The following SPIRE1 variants were observed in gnomAD, a reference collection of about 807,000 sequenced individuals.
SPIRE1 encodes the protein spire type actin nucleation factor 1.
SPIRE1 carries 40 observed loss-of-function variants against 94.1 expected under a neutral mutation model. That is an observed-to-expected ratio of 0.43 (90% CI 0.33 to 0.55). SPIRE1 has a LOEUF of 0.55. SPIRE1 is among the 20% of genes least tolerant of loss of function. SPIRE1 has a pLI of 0.06. For missense variants in SPIRE1, 838 were observed against 975.2 expected (o/e 0.86, Z 1.87); for synonymous variants, 376 against 371.7 (o/e 1.01, Z -0.13).
intron 2 of SPIRE1, among the ~76,000 whole-genome samples, chr18:12,614,987 G>A (rs545779127): frequency 0.01 from 1,542 of 151,636 alleles, 8 homozygotes; most frequent in Middle Eastern, 0.031. Flanking sequence ...TCAGGAGTTC[G>A]AGACCAGGCT....
intron 1 of SPIRE1, among the ~76,000 whole-genome samples, chr18:12,655,902 G>A (rs2038526023): frequency 6.6e-6 from 1 of 152,008 alleles, no homozygotes; most frequent in South Asian, 2.1e-4. Context: ...GCACGATATT[G>A]CTGTATTTTT....
At chr18:12,626,568 C>T (rs1258465688) in intron 2 of SPIRE1, among the ~76,000 whole-genome samples, 5 of 152,006 alleles carry the variant, frequency 3.3e-5, no homozygotes, top group Non-Finnish European at 7.4e-5. Flanking sequence ...AGTTAAGAGG[C>T]ATATAAGGAG....
chr18:12,645,891 C>T (rs888516108), intron 1 of SPIRE1, among the ~76,000 whole-genome samples: 3 of 152,112 alleles, frequency 2.0e-5, no homozygotes, highest in Admixed American at 6.6e-5. Flanking sequence ...CTCCGACTCC[C>T]ACACACATCC....
At chr18:12,593,712 G>A (rs768400151) in intron 2 of SPIRE1, among the ~76,000 whole-genome samples, 4 of 152,212 alleles carry the variant, frequency 2.6e-5, no homozygotes, top group Non-Finnish European at 4.4e-5. Flanking sequence ...CACTTTGGGA[G>A]GCCGAGGCGG....
intron 10 of SPIRE1, among the ~76,000 whole-genome samples, chr18:12,466,823 T>G (rs1735104044): frequency 6.6e-6 from 1 of 152,184 alleles, no homozygotes; most frequent in South Asian, 2.1e-4. Context: ...ACATAGGTAT[T>G]AAGCCCAGCA....
At chr18:12,466,284 T>C (rs895445893) in intron 10 of SPIRE1, among the ~76,000 whole-genome samples, 2 of 152,034 alleles carry the variant, frequency 1.3e-5, no homozygotes, top group Non-Finnish European at 2.9e-5. Flanking sequence ...TATAGATATA[T>C]ATATATTTTT....
intron 2 of SPIRE1, among the ~76,000 whole-genome samples, chr18:12,629,681 A>G (rs2037724262): frequency 6.6e-6 from 1 of 152,202 alleles, no homozygotes; most frequent in African/African-American, 2.4e-5. Context: ...ACAAAACTTG[A>G]TTGTAGGGAT....
At chr18:12,535,634 G>T (rs775862382) in intron 3 of SPIRE1, 33 bp from the exon 4 acceptor site, 73 of 1,592,448 alleles carry the variant, frequency 4.6e-5, no homozygotes, top group Non-Finnish European at 6.0e-5. Context: ...AATGGTGCTT[G>T]GTTACTATTT....
intron 6 of SPIRE1, among the ~76,000 whole-genome samples, chr18:12,502,679 A>G (rs968108015): frequency 6.6e-6 from 1 of 152,210 alleles, no homozygotes; most frequent in African/African-American, 2.4e-5. Context: ...AATTTAAACC[A>G]TGGGGATAAT....
At chr18:12,609,323 C>T (rs1259551104) in intron 2 of SPIRE1, among the ~76,000 whole-genome samples, 1 of 152,156 alleles carries the variant, frequency 6.6e-6, no homozygotes, top group Non-Finnish European at 1.5e-5. Context: ...CAAGGACTAT[C>T]GAGAGCCAAG....
At chr18:12,588,282 T>TA (rs991002841) in intron 2 of SPIRE1, 1 of 152,536 alleles carries the variant, frequency 6.6e-6, no homozygotes, top group Admixed American at 6.6e-5. Context: ...TAGATTAGGT[T>TA]AAAAAAACTG....
intron 1 of SPIRE1, among the ~76,000 whole-genome samples, chr18:12,642,106 C>A (rs1210386253): frequency 6.6e-6 from 1 of 151,996 alleles, no homozygotes; most frequent in Non-Finnish European, 1.5e-5. Flanking sequence ...GGATTTGATA[C>A]AAAAAACAGT....
At chr18:12,473,308 CAA>C (rs71172088) in intron 10 of SPIRE1, among the ~76,000 whole-genome samples, 2 of 144,834 alleles carry the variant, frequency 1.4e-5, no homozygotes, top group Middle Eastern at 3.6e-3. Context: ...TCAGTTCTGG[CAA>C]AAAAAAAAAA....
intron 10 of SPIRE1, among the ~76,000 whole-genome samples, chr18:12,466,717 TTTTAC>T (rs1469256931): frequency 1.3e-5 from 2 of 152,208 alleles, no homozygotes; most frequent in African/African-American, 4.8e-5. Context: ...TTTGTTTTAT[TTTTAC>T]TTTAAGTTCT....
At chr18:12,641,116 T>C (rs759335607) in intron 1 of SPIRE1, among the ~76,000 whole-genome samples, 4 of 152,144 alleles carry the variant, frequency 2.6e-5, no homozygotes, top group Non-Finnish European at 5.9e-5. Flanking sequence ...GATTTGTTAA[T>C]GGATTGACAA....
intron 10 of SPIRE1, among the ~76,000 whole-genome samples, chr18:12,471,492 T>G (rs2032358849): frequency 1.3e-5 from 2 of 151,970 alleles, no homozygotes; most frequent in Non-Finnish European, 2.9e-5. Context: ...CCTAGCTAAT[T>G]TTTGTATTTT....
At position 12,455,490 on chromosome 18, in the gene SPIRE1, A is replaced by G. The variant is rs868467036; in HGVS notation, c.1639-1007T>C. 3.3e-5 allele frequency among the ~76,000 whole-genome samples: 5 copies of G among 152,314 alleles called. 1 individual carries two copies. The South Asian group carries it at 1.0e-3, about 32-fold the overall frequency. Reference sequence around the variant, plus strand: ...ATGCTAAATGTATAGTCAGCAATGGAAAGACTAGAGAAATGTAAAAGATTT... The same window carrying G: ...ATGCTAAATGTATAGTCAGCAATGGGAAGACTAGAGAAATGTAAAAGATTT... On this transcript the variant is annotated intron_variant, in intron 12 of 16. Transcript: ENST00000409402.
At chr18:12,660,788 T>C (rs1456540441), upstream of SPIRE1, among the ~76,000 whole-genome samples, 1 of 152,076 alleles carries the variant, frequency 6.6e-6, no homozygotes, top group African/African-American at 2.4e-5. Flanking sequence ...CAATTCATGG[T>C]ATGATATACT....
chr18:12,472,694 C>G, intron 10 of SPIRE1, among the ~76,000 whole-genome samples: 1 of 151,088 alleles, frequency 6.6e-6, no homozygotes, highest in Non-Finnish European at 1.5e-5. Flanking sequence ...GGGACTTGCT[C>G]TGTCACCCAG....
Sources: gnomAD v4.1 joint callset for allele counts (sites outside exome capture counted in the v4.1 genomes callset) on GRCh38, gnomAD v4.1.1 for gene constraint, MANE v1.5 for transcripts, NCBI Gene and HGNC (gene_info 2026-07-23, HGNC 2026-07-21) for gene names.